Variants in PAPPA2 observed in about 807,000 individuals in gnomAD.
PAPPA2 encodes the protein pappalysin 2.
In PAPPA2, 86 loss-of-function variants were observed where a neutral mutation model predicts 176.4. The ratio of observed to expected loss-of-function variants is 0.49; its 90% CI spans 0.41 to 0.58. PAPPA2 has a LOEUF of 0.58. Ranked by LOEUF, PAPPA2 falls within the 20% of genes least tolerant of loss-of-function variation. The probability of loss-of-function intolerance (pLI) is 0.00; values close to 1 mark genes in which losing one functional copy is unlikely to be tolerated. For missense variants in PAPPA2, 2,073 were observed against 2,256.9 expected, an observed-to-expected ratio of 0.92 and a Z score of 1.65; for synonymous variants, 809 against 852.2, an observed-to-expected ratio of 0.95 and a Z score of 0.88.
Position 176,710,014 on chromosome 1 carries a change from A to C in PAPPA2, c.3489A>C (p.Gly1163=), listed in dbSNP as rs748123847. The C allele has an allele frequency of 6.2e-7, 1 of 1,612,696 alleles. No homozygotes were observed. Among genetic ancestry groups the C allele is most frequent in the Non-Finnish European group, 8.5e-7 (1 of 1,179,270 alleles). Residue 1163 remains glycine, a synonymous_variant, in exon 11 of 23, where the codon GGA becomes GGC. Transcript: ENST00000367662. The part of the protein sequence containing the change: ...GEPSLCYMYE[G]DGICEPFERK... ...CAAGCCTTTGCTACATGTATGAGGGAGATGGCATATGTGAACCTTTTGAGA... is the reference window on the plus strand; with the variant it reads ...CAAGCCTTTGCTACATGTATGAGGGCGATGGCATATGTGAACCTTTTGAGA...
chr1:176,669,657 TC>T (rs772430110), intron 3 of PAPPA2, among the ~76,000 whole-genome samples: 1 of 152,196 alleles, frequency 6.6e-6, no homozygotes, highest in East Asian at 1.9e-4. Context: ...AGCCCTTTTC[TC>T]CTAAACATCT....
chr1:176,540,546 A>G (rs1026532493), intron 1 of PAPPA2, among the ~76,000 whole-genome samples: 3 of 152,208 alleles, frequency 2.0e-5, no homozygotes, highest in Non-Finnish European at 4.4e-5. Flanking sequence ...CTAGTATGTC[A>G]TTACTGGTGT....
intron 1 of PAPPA2, among the ~76,000 whole-genome samples, chr1:176,542,923 A>G (rs1174115017): frequency 1.3e-5 from 2 of 152,184 alleles, no homozygotes; most frequent in Non-Finnish European, 2.9e-5. Context: ...CCTTTCCAAT[A>G]TATTTAAAAT....
chr1:176,504,045 TGAAG>T (rs1171450327), intron 1 of PAPPA2, among the ~76,000 whole-genome samples: 1 of 152,152 alleles, frequency 6.6e-6, no homozygotes, highest in East Asian at 1.9e-4. Context: ...CTGGAAACTA[TGAAG>T]AACTTCCTTA....
At chr1:176,477,464 T>C (rs1572948519) in intron 1 of PAPPA2, among the ~76,000 whole-genome samples, 1 of 152,188 alleles carries the variant, frequency 6.6e-6, no homozygotes. Context: ...TTAAAAGTTA[T>C]GGTTGGGTGC....
chr1:176,785,285 A>G (rs376758369), intron 17 of PAPPA2, among the ~76,000 whole-genome samples: 2 of 152,138 alleles, frequency 1.3e-5, no homozygotes, highest in South Asian at 2.1e-4. Flanking sequence ...GCTGGGATCC[A>G]TGAAATGAAC....
At chr1:176,601,625 G>A (rs6664916) in intron 3 of PAPPA2, among the ~76,000 whole-genome samples, 35,967 of 152,108 alleles carry the variant, frequency 0.24, 4,285 homozygotes, top group South Asian at 0.33. Flanking sequence ...CCAGATGTCT[G>A]TTTCTACATA....
chr1:176,828,173 A>G (rs531932363), intron 21 of PAPPA2, among the ~76,000 whole-genome samples: 1 of 152,290 alleles, frequency 6.6e-6, no homozygotes, highest in East Asian at 1.9e-4. Context: ...CATCGTGATC[A>G]GACACATTAT....
intron 1 of PAPPA2, among the ~76,000 whole-genome samples, chr1:176,496,715 G>A (rs974785148): frequency 2.6e-5 from 4 of 152,168 alleles, no homozygotes; most frequent in Non-Finnish European, 4.4e-5. Context: ...GGAAGAGGTC[G>A]AATTTGACTG....
At chr1:176,568,516 T>C (rs1652116495) in intron 2 of PAPPA2, among the ~76,000 whole-genome samples, 1 of 152,224 alleles carries the variant, frequency 6.6e-6, no homozygotes, top group South Asian at 2.1e-4. Flanking sequence ...AGAGTTCTTT[T>C]CCACTGTGCT....
At chr1:176,511,459 G>A (rs1572985180) in intron 1 of PAPPA2, among the ~76,000 whole-genome samples, 2 of 152,192 alleles carry the variant, frequency 1.3e-5, no homozygotes, top group South Asian at 4.1e-4. Flanking sequence ...TTAGGACTGT[G>A]AACAAGTCAA....
chr1:176,535,647 A>G (rs1558422148), intron 1 of PAPPA2, among the ~76,000 whole-genome samples: 1 of 152,268 alleles, frequency 6.6e-6, no homozygotes, highest in East Asian at 1.9e-4. Flanking sequence ...AGCAGTATCT[A>G]TAGCAGCTAT....
At chr1:176,750,357 G>C (rs189573141) in intron 14 of PAPPA2, among the ~76,000 whole-genome samples, 41 of 152,226 alleles carry the variant, frequency 2.7e-4, no homozygotes, top group African/African-American at 9.4e-4. Context: ...TGTAATTCCA[G>C]CACTTGGGAG....
chr1:176,593,246 C>T (rs1338925336), intron 2 of PAPPA2, among the ~76,000 whole-genome samples: 1 of 152,144 alleles, frequency 6.6e-6, no homozygotes, highest in African/African-American at 2.4e-5. Flanking sequence ...AATAGGAAGC[C>T]TCATGGCTTA....
At chr1:176,634,833 G>GATAC (rs1656579847) in intron 3 of PAPPA2, among the ~76,000 whole-genome samples, 1 of 142,570 alleles carries the variant, frequency 7.0e-6, no homozygotes, top group Non-Finnish European at 1.5e-5. Flanking sequence ...TAGATAGATA[G>GATAC]ATAGATAGAT....
At chr1:176,548,397 C>G (rs999050495) in intron 1 of PAPPA2, among the ~76,000 whole-genome samples, 4 of 152,116 alleles carry the variant, frequency 2.6e-5, no homozygotes, top group Non-Finnish European at 5.9e-5. Context: ...TCCCTAACTG[C>G]TACTGTTGGC....
chr1:176,675,380 G>A (rs1659235516), intron 4 of PAPPA2, among the ~76,000 whole-genome samples: 1 of 151,950 alleles, frequency 6.6e-6, no homozygotes, highest in South Asian at 2.1e-4. Context: ...GCATTATTGG[G>A]CACTGGCTTT....
chr1:176,749,966 AT>A (rs1039744367), intron 14 of PAPPA2, among the ~76,000 whole-genome samples: 5 of 152,326 alleles, frequency 3.3e-5, no homozygotes, highest in South Asian at 4.1e-4. Flanking sequence ...ATAGACATAA[AT>A]TTTTAAATGT....
intron 17 of PAPPA2, among the ~76,000 whole-genome samples, chr1:176,784,253 A>G (rs1472109356): frequency 6.6e-6 from 1 of 152,218 alleles, no homozygotes; most frequent in Non-Finnish European, 1.5e-5. Context: ...TTCAAATGCA[A>G]TCTATTCACT....
Sources: gnomAD v4.1 joint callset for allele counts (sites outside exome capture counted in the v4.1 genomes callset) on GRCh38, gnomAD v4.1.1 for gene constraint, MANE v1.5 for transcripts, NCBI Gene and HGNC (gene_info 2026-07-23, HGNC 2026-07-21) for gene names.